MEIS2: variants seen among roughly 807,000 people sequenced by gnomAD.
MEIS2 encodes Meis homeobox 2.
Under a neutral mutation model 58.6 loss-of-function variants are expected in MEIS2, and 9 were observed. The observed-to-expected ratio is 0.15, with a 90% CI of 0.09 to 0.27. MEIS2 has a LOEUF of 0.27. MEIS2 is among the 10% of genes least tolerant of loss of function. MEIS2 has a pLI of 1.00. For synonymous variants in MEIS2, 221 were observed against 228.4 expected (o/e 0.97, Z 0.29); for missense variants, 427 against 635.0 (o/e 0.67, Z 3.52).
intron 7 of MEIS2, among the ~76,000 whole-genome samples, chr15:37,057,492 C>T (rs918048879): frequency 1.4e-4 from 22 of 152,068 alleles, no homozygotes; most frequent in African/African-American, 5.3e-4. Context: ...CCATTCTGAA[C>T]CCAAACCAAG....
chr15:36,932,901 A>T (rs889299773), intron 9 of MEIS2, among the ~76,000 whole-genome samples: 2 of 152,238 alleles, frequency 1.3e-5, no homozygotes, highest in Non-Finnish European at 2.9e-5. Context: ...GAAAGAGATT[A>T]TTCAAAATTT....
At chr15:36,983,586 C>T (rs2381931) in intron 8 of MEIS2, among the ~76,000 whole-genome samples, 54,814 of 151,620 alleles carry the variant, frequency 0.36, 10,722 homozygotes, top group Middle Eastern at 0.56. Context: ...TATGGTGGCT[C>T]CAGCTTTGTT....
chr15:37,015,412 AT>A (rs961013163), intron 8 of MEIS2, among the ~76,000 whole-genome samples: 5 of 151,964 alleles, frequency 3.3e-5, no homozygotes, highest in East Asian at 3.9e-4. Flanking sequence ...AGATAATTAC[AT>A]TTTTTTTCTT....
chr15:37,043,825 T>G (rs973837869), intron 7 of MEIS2, among the ~76,000 whole-genome samples: 5 of 152,074 alleles, frequency 3.3e-5, no homozygotes, highest in Admixed American at 3.3e-4. Context: ...GTAGCTAGGA[T>G]TACAGGCGCG....
chr15:37,041,723 C>T (rs1433264239), intron 7 of MEIS2, among the ~76,000 whole-genome samples: 2 of 152,084 alleles, frequency 1.3e-5, no homozygotes, highest in Non-Finnish European at 2.9e-5. Flanking sequence ...ATTCTAAATT[C>T]TAGTTCTAGA....
At chr15:36,969,883 A>G (rs535348634) in intron 8 of MEIS2, among the ~76,000 whole-genome samples, 2 of 151,466 alleles carry the variant, frequency 1.3e-5, no homozygotes, top group South Asian at 4.2e-4. Flanking sequence ...ACTTGAGAAC[A>G]ATGTCTTTTT....
intron 7 of MEIS2, among the ~76,000 whole-genome samples, chr15:37,078,732 A>G (rs972596380): frequency 1.3e-5 from 2 of 151,890 alleles, no homozygotes; most frequent in Admixed American, 6.6e-5. Flanking sequence ...TGGGAAAGAA[A>G]GCTATGAAAC....
intron 9 of MEIS2, among the ~76,000 whole-genome samples, chr15:36,943,031 T>A (rs190836956): frequency 1.7e-3 from 255 of 152,230 alleles, no homozygotes; most frequent in Non-Finnish European, 2.5e-3. Context: ...ATTCCTTTTT[T>A]AAAAAAATGT....
At chr15:36,957,302 T>TCC in intron 8 of MEIS2, among the ~76,000 whole-genome samples, 1 of 152,238 alleles carries the variant, frequency 6.6e-6, no homozygotes, top group Admixed American at 6.5e-5. Context: ...GAAAAACACA[T>TCC]TTAGACTCAA....
At chr15:36,949,044 G>A (rs1444049136) in intron 9 of MEIS2, among the ~76,000 whole-genome samples, 1 of 151,914 alleles carries the variant, frequency 6.6e-6, no homozygotes, top group Non-Finnish European at 1.5e-5. Flanking sequence ...GCTTCTGTAG[G>A]TAGGCACATC....
At position 36,891,805 on chromosome 15, in the gene MEIS2, A is replaced by G; in HGVS notation, c.*368T>C. ...CAAAACAGTCATTCTTTTGGGAACA[A>G]CACACATAGTGTGGAAAACAAGGAT... is the stretch of plus-strand genomic sequence containing the variant. On this transcript the variant is annotated 3_prime_UTR_variant, in exon 12 of 12. Coordinates refer to ENST00000561208, the MANE Select transcript of MEIS2 (RefSeq NM_170675.5). 3.9e-6 allele frequency: 1 copy of G among 259,402 alleles called. No individual in the cohort carries two copies. Among genetic ancestry groups the G allele is most frequent in the Non-Finnish European group, 7.4e-6 (1 of 135,992 alleles). The allele number at this position is 259,402 out of a possible 1,614,324, so 16.1% of individuals were successfully genotyped here. A position where few individuals can be genotyped will look rare whatever the true frequency, so the allele number is the denominator to read the frequency against.
At chr15:37,002,530 G>A (rs2060769285) in intron 8 of MEIS2, among the ~76,000 whole-genome samples, 1 of 152,062 alleles carries the variant, frequency 6.6e-6, no homozygotes, top group Non-Finnish European at 1.5e-5. Flanking sequence ...ACTTAGTGAA[G>A]TACTTGCCCG....
intron 7 of MEIS2, among the ~76,000 whole-genome samples, chr15:37,037,767 A>T (rs1245391993): frequency 6.6e-6 from 1 of 152,270 alleles, no homozygotes; most frequent in Non-Finnish European, 1.5e-5. Flanking sequence ...AAGGCATTGC[A>T]GGACCCCTAC....
chr15:36,965,272 T>G (rs1312588027), intron 8 of MEIS2, among the ~76,000 whole-genome samples: 1 of 152,198 alleles, frequency 6.6e-6, no homozygotes. Context: ...TCTATTACAC[T>G]GAAGATTTGA....
chr15:37,059,186 T>G (rs1888856944), intron 7 of MEIS2, among the ~76,000 whole-genome samples: 1 of 152,078 alleles, frequency 6.6e-6, no homozygotes, highest in Non-Finnish European at 1.5e-5. Flanking sequence ...GCAGACTGCT[T>G]TTTTATTTTT....
chr15:36,969,343 G>A (rs2059457055), intron 8 of MEIS2, among the ~76,000 whole-genome samples: 1 of 152,102 alleles, frequency 6.6e-6, no homozygotes, highest in Non-Finnish European at 1.5e-5. Context: ...TGACATTTGA[G>A]AATCTTCTCC....
At chr15:36,934,509 G>A (rs764834475) in intron 9 of MEIS2, among the ~76,000 whole-genome samples, 14 of 152,222 alleles carry the variant, frequency 9.2e-5, no homozygotes, top group South Asian at 2.1e-4. Flanking sequence ...TCTGCTTTCT[G>A]ATCCCTGATG....
intron 6 of MEIS2, among the ~76,000 whole-genome samples, chr15:37,084,301 A>G (rs1238357542): frequency 1.3e-5 from 2 of 152,180 alleles, no homozygotes; most frequent in South Asian, 2.1e-4. Context: ...TGGACACTCA[A>G]TACTTCAGAA....
At chr15:37,080,268 G>A (rs930154288) in intron 7 of MEIS2, among the ~76,000 whole-genome samples, 4 of 152,008 alleles carry the variant, frequency 2.6e-5, no homozygotes, top group Admixed American at 1.3e-4. Flanking sequence ...AACTTGGCAC[G>A]AAATACTTAA....
Sources: gnomAD v4.1 joint callset for allele counts (sites outside exome capture counted in the v4.1 genomes callset) on GRCh38, gnomAD v4.1.1 for gene constraint, MANE v1.5 for transcripts, NCBI Gene and HGNC (gene_info 2026-07-23, HGNC 2026-07-21) for gene names.